The following THRB variants were observed in gnomAD, a reference collection of about 807,000 sequenced individuals.
The protein encoded by THRB is nuclear receptor subfamily 1 group A member 2.
In THRB, 12 loss-of-function variants were observed where a neutral mutation model predicts 47.8. That is an observed-to-expected ratio of 0.25 (90% CI 0.16 to 0.41). THRB has a LOEUF of 0.41. Ranked by LOEUF, THRB falls within the 10% of genes least tolerant of loss-of-function variation. The probability of loss-of-function intolerance (pLI) is 1.00; values close to 1 mark genes in which losing one functional copy is unlikely to be tolerated. For missense variants in THRB, 348 were observed against 589.2 expected (o/e 0.59, Z 4.24); for synonymous variants, 218 against 212.2 (o/e 1.03, Z -0.24).
intron 5 of THRB, among the ~76,000 whole-genome samples, chr3:24,187,346 C>A (rs189549640): frequency 1.3e-5 from 2 of 152,218 alleles, no homozygotes; most frequent in South Asian, 4.1e-4. Flanking sequence ...CCCCAAACCA[C>A]GCTTAGAAGT....
At chr3:24,152,516 A>G in intron 5 of THRB, 26 bp from the exon 6 acceptor site, 1 of 1,206,824 alleles carries the variant, frequency 8.3e-7, no homozygotes, top group Non-Finnish European at 1.2e-6. Context: ...AAGAAGGAAT[A>G]TTAAAAAATA....
At chr3:24,395,107 T>C (rs969355294) in intron 1 of THRB, among the ~76,000 whole-genome samples, 1 of 152,090 alleles carries the variant, frequency 6.6e-6, no homozygotes, top group African/African-American at 2.4e-5. Flanking sequence ...TCATGTCATA[T>C]GGAAAAATTA....
chr3:24,324,978 A>G (rs1464705036), intron 2 of THRB, among the ~76,000 whole-genome samples: 1 of 152,240 alleles, frequency 6.6e-6, no homozygotes, highest in Non-Finnish European at 1.5e-5. Flanking sequence ...ACATCAAAAT[A>G]AAATGAATAA....
chr3:24,465,490 A>G (rs1326341711), intron 1 of THRB, among the ~76,000 whole-genome samples: 1 of 152,042 alleles, frequency 6.6e-6, no homozygotes, highest in South Asian at 2.1e-4. Flanking sequence ...GCAACCTCCA[A>G]CTCCTGGGTT....
At chr3:24,306,123 C>A (rs869786) in intron 2 of THRB, among the ~76,000 whole-genome samples, 27,988 of 152,080 alleles carry the variant, frequency 0.18, 2,922 homozygotes, top group African/African-American at 0.29. Flanking sequence ...TAATAGAAAC[C>A]ATTTTAATAT....
intron 1 of THRB, among the ~76,000 whole-genome samples, chr3:24,452,307 C>G (rs545034373): frequency 6.6e-6 from 1 of 152,004 alleles, no homozygotes; most frequent in Non-Finnish European, 1.5e-5. Context: ...TTTGGCACCC[C>G]CTTCCGTTTG....
At chr3:24,371,846 G>T (rs1437941862) in intron 1 of THRB, among the ~76,000 whole-genome samples, 1 of 152,108 alleles carries the variant, frequency 6.6e-6, no homozygotes, top group African/African-American at 2.4e-5. Flanking sequence ...ATGTTTCAAG[G>T]TAGTTCAACC....
intron 3 of THRB, among the ~76,000 whole-genome samples, chr3:24,259,420 C>T (rs1046006267): frequency 5.3e-5 from 8 of 152,160 alleles, no homozygotes; most frequent in Admixed American, 2.0e-4. Context: ...ACAAAGCTGA[C>T]AGAAGCAGAA....
chr3:24,389,313 T>C (rs1306664736), intron 1 of THRB, among the ~76,000 whole-genome samples: 1 of 152,128 alleles, frequency 6.6e-6, no homozygotes, highest in Non-Finnish European at 1.5e-5. Flanking sequence ...TGTAGGTAAA[T>C]GGCTTAAGTA....
At chr3:24,185,157 T>C (rs2042408395) in intron 5 of THRB, among the ~76,000 whole-genome samples, 1 of 152,208 alleles carries the variant, frequency 6.6e-6, no homozygotes, top group Non-Finnish European at 1.5e-5. Flanking sequence ...CTTGTCTAAA[T>C]CTTGAGGACT....
chr3:24,489,399 T>G (rs1231435663), intron 1 of THRB, among the ~76,000 whole-genome samples: 5 of 152,218 alleles, frequency 3.3e-5, no homozygotes, highest in Non-Finnish European at 7.3e-5. Context: ...TAGATCTGCC[T>G]TCTGTGCAAA....
intron 3 of THRB, among the ~76,000 whole-genome samples, chr3:24,248,131 C>A (rs900133576): frequency 3.9e-5 from 6 of 152,068 alleles, no homozygotes; most frequent in African/African-American, 1.2e-4. Flanking sequence ...ATAATCAGTG[C>A]TCCATTTGAT....
intron 1 of THRB, among the ~76,000 whole-genome samples, chr3:24,424,436 C>T (rs181367398): frequency 1.0e-3 from 155 of 152,050 alleles, no homozygotes; most frequent in Non-Finnish European, 1.8e-3. Flanking sequence ...AGTGGGGTTC[C>T]TTAGTAAGCA....
chr3:24,464,827 C>CT (rs1450409893), intron 1 of THRB, among the ~76,000 whole-genome samples: 5 of 152,174 alleles, frequency 3.3e-5, no homozygotes, highest in East Asian at 1.9e-4. Flanking sequence ...TAAAGAAAAT[C>CT]TTTTTTTATC....
At chr3:24,204,127 A>T (rs2044973432) in intron 4 of THRB, among the ~76,000 whole-genome samples, 1 of 152,218 alleles carries the variant, frequency 6.6e-6, no homozygotes, top group Non-Finnish European at 1.5e-5. Context: ...TGCAGACTTA[A>T]ATGTCCCTGA....
intron 3 of THRB, among the ~76,000 whole-genome samples, chr3:24,232,288 A>C (rs1271987576): frequency 6.6e-6 from 1 of 152,244 alleles, no homozygotes; most frequent in East Asian, 1.9e-4. Context: ...GCAATGCCCT[A>C]GGTTTTGTTT....
At position 24,373,939 on chromosome 3, in the gene THRB, G is replaced by A. The variant is rs557237520; in HGVS notation, c.-260-36568C>T. 1.9e-3 allele frequency among the ~76,000 whole-genome samples: 290 copies of A among 152,026 alleles called. 1 individual carries two copies. The highest frequency in any genetic ancestry group is 6.5e-3 in the African/African-American group (270 of 41,412). ...ATTCTGTACCTCGCTTCCAATTTCT[G>A]TACATCATTTCCCTTTTTTTTTGGT... On this transcript the variant is annotated intron_variant, in intron 1 of 10. Transcript: ENST00000646209.
chr3:24,384,253 C>T (rs2065918174), intron 1 of THRB, among the ~76,000 whole-genome samples: 1 of 152,076 alleles, frequency 6.6e-6, no homozygotes, highest in Non-Finnish European at 1.5e-5. Context: ...GAGCCCTGTA[C>T]ATTAAAAGGA....
rs140448195 is a variant in THRB, at chr3:24,202,360, T to A, written c.23-12026A>T. Reference sequence around the variant, plus strand: ...AATTCTGATATTTGAACCCTACACCTCAAATACTAAGAGCTGTTTTTGTAA... The same window carrying A: ...AATTCTGATATTTGAACCCTACACCACAAATACTAAGAGCTGTTTTTGTAA... On this transcript the variant is annotated intron_variant, in intron 4 of 10. Transcript: ENST00000646209. 1.6e-4 allele frequency among the ~76,000 whole-genome samples: 24 copies of A among 152,328 alleles called. 1 individual carries two copies. The East Asian group carries it at 4.4e-3, about 28-fold the overall frequency.
Sources: gnomAD v4.1 joint callset for allele counts (sites outside exome capture counted in the v4.1 genomes callset) on GRCh38, gnomAD v4.1.1 for gene constraint, MANE v1.5 for transcripts, NCBI Gene and HGNC (gene_info 2026-07-23, HGNC 2026-07-21) for gene names.